Variants in FAM200B observed in about 807,000 individuals in gnomAD.
FAM200B encodes zinc finger BED-type containing 11.
Under a neutral mutation model 33.1 loss-of-function variants are expected in FAM200B, and 32 were observed. That is an observed-to-expected ratio of 0.97 (90% CI 0.73 to 1.30). The LOEUF (loss-of-function observed/expected upper bound fraction) is 1.30. FAM200B is among the 50% of genes most tolerant of loss of function. The pLI is 0.00. For missense variants in FAM200B, 741 were observed against 754.0 expected (o/e 0.98, Z 0.20); for synonymous variants, 240 against 264.8 (o/e 0.91, Z 0.91).
In FAM200B at chr4:15,688,269, AT is replaced by A. The variant is rs1465559162; in HGVS notation, c.1295del (p.Leu432Ter). 2 of 1,548,544 alleles carry A rather than the reference AT, an allele frequency of 1.3e-6. No homozygotes were observed. The highest frequency in any genetic ancestry group is 2.7e-5 in the African/African-American group (2 of 73,008). On this transcript the variant is annotated frameshift_variant, in exon 2 of 2. Transcript: ENST00000422728. LOFTEE classifies it high-confidence loss of function. Reference sequence around the variant, plus strand: ...GATACTTGGGTAACAAAATTGGCATATTTAACTGATATTTTTAGCATTCTTA... The same window carrying A: ...GATACTTGGGTAACAAAATTGGCATATTAACTGATATTTTTAGCATTCTTA... The part of the protein sequence containing the change: ...EDDTWVTKLA[Y>X]LTDIFSILNE...
At chr4:15,647,278 C>CAAT in the FAM200B span, among the ~76,000 whole-genome samples, 1 of 130,214 alleles carries the variant, frequency 7.7e-6, no homozygotes, top group Non-Finnish European at 1.7e-5. Flanking sequence ...AAATAAACAA[C>CAAT]AACAACAAAA....
At chr4:15,673,211 A>G in the FAM200B span, among the ~76,000 whole-genome samples, 1 of 152,158 alleles carries the variant, frequency 6.6e-6, no homozygotes, top group South Asian at 2.1e-4. Context: ...AGGCCGAGGT[A>G]GCTGGATCGC....
the FAM200B span, among the ~76,000 whole-genome samples, chr4:15,639,641 T>C: frequency 2.0e-5 from 3 of 152,194 alleles, no homozygotes; most frequent in Non-Finnish European, 4.4e-5. Context: ...GTGATGGATA[T>C]CATACAGTTA....
At chr4:15,653,153 T>G in the FAM200B span, among the ~76,000 whole-genome samples, 1 of 152,200 alleles carries the variant, frequency 6.6e-6, no homozygotes, top group African/African-American at 2.4e-5. Flanking sequence ...AAAATTGGAC[T>G]TTTAATCTTC....
At chr4:15,646,068 T>C in the FAM200B span, among the ~76,000 whole-genome samples, 2 of 152,186 alleles carry the variant, frequency 1.3e-5, no homozygotes, top group Admixed American at 6.5e-5. Context: ...AACTTTTCTA[T>C]AAAAGGACAG....
At chr4:15,656,300 C>G in the FAM200B span, 1 of 456,144 alleles carries the variant, frequency 2.2e-6, no homozygotes, top group Non-Finnish European at 4.4e-6. Flanking sequence ...ACTCTGTTCT[C>G]TGCTCACGCC....
chr4:15,673,716 G>T, the FAM200B span, among the ~76,000 whole-genome samples: 5 of 152,326 alleles, frequency 3.3e-5, no homozygotes, highest in East Asian at 7.7e-4. Context: ...AATCAGGAGA[G>T]ATTCATTCCA....
chr4:15,641,717 G>A, the FAM200B span: 1 of 423,770 alleles, frequency 2.4e-6, no homozygotes, highest in Non-Finnish European at 4.7e-6. Context: ...TGTTGTTCAA[G>A]GGTCAACTGT....
At chr4:15,661,632 CTTTT>C in the FAM200B span, among the ~76,000 whole-genome samples, 4 of 151,980 alleles carry the variant, frequency 2.6e-5, no homozygotes, top group African/African-American at 9.7e-5. Context: ...AAGATGGGGT[CTTTT>C]TTTTCTCTTT....
the FAM200B span, among the ~76,000 whole-genome samples, chr4:15,656,740 CTAA>C: frequency 1.3e-5 from 2 of 150,078 alleles, no homozygotes; most frequent in East Asian, 3.8e-4. Flanking sequence ...TGAAATGAAG[CTAA>C]TAATACCTAC....
At chr4:15,648,658 T>C in the FAM200B span, among the ~76,000 whole-genome samples, 2 of 152,140 alleles carry the variant, frequency 1.3e-5, no homozygotes, top group African/African-American at 4.8e-5. Context: ...ATATGGAATC[T>C]AAAGTAGAAC....
chr4:15,679,557 A>G (rs1379196644), upstream of FAM200B, among the ~76,000 whole-genome samples: 2 of 131,570 alleles, frequency 1.5e-5, no homozygotes, highest in African/African-American at 5.7e-5. Context: ...GGTACAGTTC[A>G]GGAACAAAAA....
chr4:15,652,714 G>A, the FAM200B span, among the ~76,000 whole-genome samples: 1 of 152,098 alleles, frequency 6.6e-6, no homozygotes, highest in East Asian at 1.9e-4. Flanking sequence ...GTAAATAAAT[G>A]GATGCTTCTA....
At chr4:15,660,794 G>C in the FAM200B span, among the ~76,000 whole-genome samples, 1 of 152,176 alleles carries the variant, frequency 6.6e-6, no homozygotes, top group African/African-American at 2.4e-5. Context: ...TCTAGAGTTA[G>C]GTGGCCCAGC....
In FAM200B at chr4:15,689,157, A is replaced by T. The variant is rs966621954; in HGVS notation, c.*206A>T. The T allele has an allele frequency of 4.9e-6, 2 of 408,524 alleles. No homozygotes were observed. Among genetic ancestry groups the T allele is most frequent in the Non-Finnish European group, 8.7e-6 (2 of 229,478 alleles). The allele number at this position is 408,524 out of a possible 1,614,324, so 25.3% of individuals were successfully genotyped here. On this transcript the variant is annotated 3_prime_UTR_variant, in exon 2 of 2. Transcript: ENST00000422728. ...AGGAACTATTCTAGAGACATTTGGG[A>T]TACAAAAGTGAACAAAACAGGTAAT...
the FAM200B span, among the ~76,000 whole-genome samples, chr4:15,654,035 T>C: frequency 2.0e-5 from 3 of 152,272 alleles, no homozygotes; most frequent in African/African-American, 7.2e-5. Flanking sequence ...AGGGAGAAGA[T>C]GGAGTGCTAA....
At chr4:15,675,557 G>A in the FAM200B span, among the ~76,000 whole-genome samples, 2 of 148,858 alleles carry the variant, frequency 1.3e-5, no homozygotes, top group African/African-American at 4.9e-5. Context: ...TTAACTTCTC[G>A]GTCACAAAAC....
the FAM200B span, among the ~76,000 whole-genome samples, chr4:15,646,214 C>G: frequency 4.6e-5 from 7 of 152,164 alleles, no homozygotes; most frequent in East Asian, 1.2e-3. Context: ...TTTATAAACA[C>G]TGAAATTCAA....
intron 1 of FAM200B, among the ~76,000 whole-genome samples, chr4:15,684,501 A>G (rs529775584): frequency 1.1e-4 from 16 of 152,332 alleles, no homozygotes; most frequent in African/African-American, 3.8e-4. Flanking sequence ...AGGTGGCAGA[A>G]GGACAAAATT....
Sources: allele counts gnomAD v4.1 joint callset (sites outside exome capture counted in the v4.1 genomes callset), GRCh38; gene constraint gnomAD v4.1.1; transcripts MANE v1.5; gene names NCBI Gene and HGNC (gene_info 2026-07-23, HGNC 2026-07-21).